PLXNA4: variants seen among roughly 807,000 people sequenced by gnomAD.
The protein encoded by PLXNA4 is plexin A4, also known as plexin-A4.
PLXNA4 carries 44 observed loss-of-function variants against 191.8 expected under a neutral mutation model. The observed-to-expected ratio is 0.23, with a 90% CI of 0.18 to 0.29. PLXNA4 has a LOEUF of 0.29. Among genes scored for constraint, PLXNA4 ranks in the 10% least tolerant of loss-of-function variants. The pLI is 1.00. For missense variants in PLXNA4, 1,800 were observed against 2,488.8 expected (o/e 0.72, Z 5.89); for synonymous variants, 1,082 against 1,009.5 (o/e 1.07, Z -1.36).
chr7:132,606,353 T>C (rs953139141), intron 2 of PLXNA4, among the ~76,000 whole-genome samples: 2 of 152,192 alleles, frequency 1.3e-5, no homozygotes, highest in Non-Finnish European at 2.9e-5. Flanking sequence ...TGGTACTTTG[T>C]TATGTCAGCC....
intron 25 of PLXNA4, among the ~76,000 whole-genome samples, chr7:132,149,768 C>T (rs1011587975): frequency 6.6e-6 from 1 of 152,186 alleles, no homozygotes; most frequent in Non-Finnish European, 1.5e-5. Flanking sequence ...CACTGCTTGA[C>T]CCACCAGGGA....
intron 3 of PLXNA4, among the ~76,000 whole-genome samples, chr7:132,344,841 C>T (rs929658462): frequency 6.6e-6 from 1 of 152,186 alleles, no homozygotes; most frequent in Admixed American, 6.5e-5. Flanking sequence ...ATCTGCAAGG[C>T]TTGCAGGCAT....
intron 2 of PLXNA4, among the ~76,000 whole-genome samples, chr7:132,505,537 T>C (rs1585238870): frequency 6.6e-6 from 1 of 152,214 alleles, no homozygotes; most frequent in East Asian, 1.9e-4. Flanking sequence ...GGCCTGCATA[T>C]GTGTGCATGC....
intron 3 of PLXNA4, among the ~76,000 whole-genome samples, chr7:132,443,272 C>T (rs1795762555): frequency 1.3e-5 from 2 of 152,176 alleles, no homozygotes; most frequent in South Asian, 4.1e-4. Flanking sequence ...CAGTACCATC[C>T]TTGTTGCACC....
chr7:132,325,062 C>T (rs1056840693), intron 3 of PLXNA4, among the ~76,000 whole-genome samples: 5 of 152,134 alleles, frequency 3.3e-5, no homozygotes, highest in Admixed American at 3.3e-4. Context: ...CAGACACCTG[C>T]CCCCACCTGC....
At chr7:132,286,608 T>C (rs1800692235) in intron 4 of PLXNA4, among the ~76,000 whole-genome samples, 1 of 152,162 alleles carries the variant, frequency 6.6e-6, no homozygotes, top group Non-Finnish European at 1.5e-5. Context: ...ATCATAGCTC[T>C]TCTTCTCTAT....
intron 3 of PLXNA4, among the ~76,000 whole-genome samples, chr7:132,409,838 G>T (rs1261130035): frequency 1.3e-5 from 2 of 152,202 alleles, no homozygotes; most frequent in East Asian, 1.9e-4. Flanking sequence ...GTCCCAACAG[G>T]CTGGCTCGTC....
intron 3 of PLXNA4, among the ~76,000 whole-genome samples, chr7:132,398,388 A>G (rs1793845566): frequency 1.3e-5 from 2 of 152,202 alleles, no homozygotes; most frequent in Admixed American, 1.3e-4. Flanking sequence ...TGTCCTCACT[A>G]TCACAGGTTC....
At chr7:132,151,298 AAGGAGGAGGAAGAAGGAGG>A (rs1795598845) in intron 25 of PLXNA4, among the ~76,000 whole-genome samples, 1 of 31,638 alleles carries the variant, frequency 3.2e-5, no homozygotes, top group Admixed American at 3.0e-4. Context: ...GAGGAAGAAG[AAGGAGGAGGAAGAAGGAGG>A]AGGAGGAGGA....
intron 2 of PLXNA4, among the ~76,000 whole-genome samples, chr7:132,582,824 C>T (rs1178446715): frequency 6.6e-6 from 1 of 152,134 alleles, no homozygotes; most frequent in Non-Finnish European, 1.5e-5. Flanking sequence ...CCTCATTAAC[C>T]TCTTAAGCTT....
chr7:132,410,668 T>TC (rs1794420107), intron 3 of PLXNA4, among the ~76,000 whole-genome samples: 1 of 152,186 alleles, frequency 6.6e-6, no homozygotes, highest in Non-Finnish European at 1.5e-5. Flanking sequence ...GCTGCCTGTC[T>TC]CCAAGCACTC....
intron 3 of PLXNA4, among the ~76,000 whole-genome samples, chr7:132,320,854 C>A (rs1328451636): frequency 4.6e-5 from 7 of 152,186 alleles, no homozygotes; most frequent in Admixed American, 2.6e-4. Context: ...AGCCAGCAAT[C>A]TGTATTTAAT....
At chr7:132,387,874 A>T (rs1805223077) in intron 3 of PLXNA4, among the ~76,000 whole-genome samples, 1 of 152,032 alleles carries the variant, frequency 6.6e-6, no homozygotes, top group Non-Finnish European at 1.5e-5. Flanking sequence ...CATGTTCCTA[A>T]TCTGCTTGGC....
chr7:132,459,469 G>A (rs776350185), intron 3 of PLXNA4, among the ~76,000 whole-genome samples: 4 of 152,214 alleles, frequency 2.6e-5, no homozygotes, highest in Non-Finnish European at 4.4e-5. Flanking sequence ...AAAGAGCAAT[G>A]AGCAGGCTAC....
intron 4 of PLXNA4, among the ~76,000 whole-genome samples, chr7:132,260,196 G>C (rs1027264584): frequency 1.3e-5 from 2 of 152,150 alleles, no homozygotes; most frequent in Non-Finnish European, 2.9e-5. Context: ...CTACCAAAAA[G>C]ACCTGCACTC....
chr7:132,622,269 T>C (rs1803282459), intron 2 of PLXNA4, among the ~76,000 whole-genome samples: 1 of 152,178 alleles, frequency 6.6e-6, no homozygotes, highest in Admixed American at 6.5e-5. Context: ...GATGCCTGGG[T>C]CCTTGAGTCA....
rs546209448 is a variant in PLXNA4 at position 132,643,806 on chromosome 7, C to T, written c.-87+2122G>A. On this transcript the variant is annotated intron_variant, in intron 2 of 4. Coordinates refer to the PLXNA4 transcript ENST00000378539. The stretch of plus-strand genomic sequence containing the variant: ...TCTATAAAAAAATTTTAAAAAATTA[C>T]CCAGGTGTAATGGCCCATGCTTATA... 1.3e-3 allele frequency among the ~76,000 whole-genome samples: 202 copies of T among 152,082 alleles called. 1 individual carries two copies. The highest frequency in any genetic ancestry group is 4.7e-3 in the African/African-American group (193 of 41,484).
chr7:132,433,188 G>A (rs1323874679), intron 3 of PLXNA4, among the ~76,000 whole-genome samples: 4 of 152,130 alleles, frequency 2.6e-5, no homozygotes, highest in African/African-American at 9.7e-5. Context: ...AAACTTGGGG[G>A]GAAAAATCAA....
chr7:132,390,230 T>C (rs1012223714), intron 3 of PLXNA4, among the ~76,000 whole-genome samples: 1 of 152,152 alleles, frequency 6.6e-6, no homozygotes, highest in Admixed American at 6.5e-5. Flanking sequence ...TGGAATACTA[T>C]GCAGCCATAA....
Sources: allele counts gnomAD v4.1 joint callset (sites outside exome capture counted in the v4.1 genomes callset), GRCh38; gene constraint gnomAD v4.1.1; transcripts MANE v1.5; gene names NCBI Gene and HGNC (gene_info 2026-07-23, HGNC 2026-07-21).